The following ESRRG variants were observed in gnomAD, a reference collection of about 807,000 sequenced individuals.
ESRRG encodes the protein estrogen-related receptor gamma.
ESRRG carries 13 observed loss-of-function variants against 44.0 expected under a neutral mutation model. That is an observed-to-expected ratio of 0.30 (90% CI 0.19 to 0.47). The LOEUF is 0.47. ESRRG is among the 20% of genes least tolerant of loss of function. The pLI is 1.00. For missense variants in ESRRG, 395 were observed against 580.6 expected (o/e 0.68, Z 3.29); for synonymous variants, 215 against 214.6 (o/e 1.00, Z -0.02).
At chr1:217,137,142 C>T (rs1404239993) in intron 1 of ESRRG, among the ~76,000 whole-genome samples, 1 of 152,146 alleles carries the variant, frequency 6.6e-6, no homozygotes, top group Non-Finnish European at 1.5e-5. Flanking sequence ...GCAGCCAGTA[C>T]ACTACACAAG....
chr1:216,985,006 T>C (rs1341812820), intron 1 of ESRRG, among the ~76,000 whole-genome samples: 3 of 152,250 alleles, frequency 2.0e-5, no homozygotes, highest in Non-Finnish European at 4.4e-5. Flanking sequence ...GTTATTTCAA[T>C]GGTTTCCTCA....
At chr1:216,720,265 C>T (rs1273853249) in intron 1 of ESRRG, among the ~76,000 whole-genome samples, 3 of 152,030 alleles carry the variant, frequency 2.0e-5, no homozygotes, top group South Asian at 4.1e-4. Flanking sequence ...CTCAAGAATG[C>T]TCACAACTAA....
intron 2 of ESRRG, chr1:216,855,182 G>A (rs1232317477): frequency 3.9e-5 from 6 of 152,160 alleles, no homozygotes; most frequent in African/African-American, 1.4e-4. Context: ...ATGGGCCGCT[G>A]ATATGACACT....
chr1:216,740,560 G>A (rs1253469394), intron 2 of ESRRG, among the ~76,000 whole-genome samples: 4 of 151,574 alleles, frequency 2.6e-5, no homozygotes, highest in Non-Finnish European at 5.9e-5. Flanking sequence ...AAAAGCACAA[G>A]GGGAGGCCTT....
chr1:216,771,318 C>G (rs555800210), intron 2 of ESRRG, among the ~76,000 whole-genome samples: 1 of 152,080 alleles, frequency 6.6e-6, no homozygotes. Flanking sequence ...ATGCTTATAA[C>G]AGTATGTAAA....
chr1:217,084,828 A>G (rs2091981024), intron 1 of ESRRG, among the ~76,000 whole-genome samples: 1 of 152,144 alleles, frequency 6.6e-6, no homozygotes, highest in African/African-American at 2.4e-5. Flanking sequence ...CTCCAAACAC[A>G]CTCAACCTTT....
rs189165181 is a variant in ESRRG, at chr1:216,817,583, T to A, written c.-14+121999A>T. Among the ~76,000 whole-genome samples, 231 of 152,346 alleles carry A rather than the reference T, an allele frequency of 1.5e-3. 2 individuals are homozygous for A. Among genetic ancestry groups the A allele is most frequent in the African/African-American group, 5.2e-3 (216 of 41,584 alleles). ...CGACAGAACAGAGACATTTCATTCC[T>A]ATTGGGCCGAGGGATTACAGCAAAG... On this transcript the variant is annotated intron_variant, in intron 2 of 7. Transcript: ENST00000359162.
chr1:217,077,853 A>C (rs2151495733), intron 1 of ESRRG, among the ~76,000 whole-genome samples: 1 of 152,346 alleles, frequency 6.6e-6, no homozygotes, highest in South Asian at 2.1e-4. Flanking sequence ...ATTCCTAATA[A>C]AAATTTAGAA....
At chr1:216,848,301 G>C (rs1297178602) in intron 2 of ESRRG, among the ~76,000 whole-genome samples, 3 of 152,044 alleles carry the variant, frequency 2.0e-5, no homozygotes, top group African/African-American at 4.8e-5. Flanking sequence ...CAGAAAGACT[G>C]AGCCCTACAT....
intron 3 of ESRRG, among the ~76,000 whole-genome samples, chr1:216,605,534 G>C (rs1181257759): frequency 6.6e-6 from 1 of 152,144 alleles, no homozygotes; most frequent in Non-Finnish European, 1.5e-5. Context: ...TTTAAGGTGT[G>C]AAAGAGGATT....
intron 5 of ESRRG, among the ~76,000 whole-genome samples, chr1:216,523,494 T>C (rs1212612575): frequency 1.7e-5 from 2 of 118,450 alleles, no homozygotes; most frequent in Non-Finnish European, 3.4e-5. Flanking sequence ...AGCACTGTTT[T>C]TTTTTTTGTT....
intron 2 of ESRRG, among the ~76,000 whole-genome samples, chr1:216,733,019 A>G (rs2089177209): frequency 6.6e-6 from 1 of 151,934 alleles, no homozygotes; most frequent in Non-Finnish European, 1.5e-5. Context: ...CAAGAGACTT[A>G]AAGAGGAGCA....
intron 1 of ESRRG, among the ~76,000 whole-genome samples, chr1:216,687,815 G>T (rs1177624317): frequency 6.6e-6 from 1 of 152,174 alleles, no homozygotes; most frequent in East Asian, 1.9e-4. Flanking sequence ...GAAAATAAGT[G>T]TTGTCATTCA....
intron 1 of ESRRG, among the ~76,000 whole-genome samples, chr1:216,976,286 ATGTG>A (rs61142800): frequency 0.047 from 6,950 of 146,764 alleles, 203 homozygotes; most frequent in East Asian, 0.094. Context: ...ATGCTCCTAA[ATGTG>A]TGTGTGTGTG....
chr1:216,925,868 T>A (rs111836264), intron 2 of ESRRG, among the ~76,000 whole-genome samples: 1,808 of 152,168 alleles, frequency 0.012, 26 homozygotes, highest in African/African-American at 0.041. Flanking sequence ...GAGAATCACT[T>A]GAACCCGGGG....
chr1:217,132,543 C>T (rs567031839), intron 1 of ESRRG, among the ~76,000 whole-genome samples: 78 of 152,194 alleles, frequency 5.1e-4, no homozygotes, highest in Non-Finnish European at 1.0e-3. Flanking sequence ...AGTGGCACCA[C>T]GAAAAACACA....
chr1:216,900,685 T>C (rs1385000913), intron 2 of ESRRG, among the ~76,000 whole-genome samples: 1 of 152,110 alleles, frequency 6.6e-6, no homozygotes, highest in African/African-American at 2.4e-5. Flanking sequence ...CTTTAAGGAG[T>C]GGACCAAGGG....
At chr1:217,002,845 T>G (rs1382443204) in intron 1 of ESRRG, among the ~76,000 whole-genome samples, 4 of 152,078 alleles carry the variant, frequency 2.6e-5, no homozygotes, top group Non-Finnish European at 5.9e-5. Flanking sequence ...AGCCAACAAC[T>G]GGTGACTGCA....
intron 1 of ESRRG, among the ~76,000 whole-genome samples, chr1:216,686,521 G>A (rs1202693600): frequency 1.3e-5 from 2 of 149,858 alleles, no homozygotes; most frequent in Non-Finnish European, 3.0e-5. Context: ...CCACTGAAAA[G>A]CCAAGAGTTC....
Sources: allele counts gnomAD v4.1 joint callset (sites outside exome capture counted in the v4.1 genomes callset), GRCh38; gene constraint gnomAD v4.1.1; transcripts MANE v1.5; gene names NCBI Gene and HGNC (gene_info 2026-07-23, HGNC 2026-07-21).